Variants in SIRPG observed in about 807,000 individuals in gnomAD.
SIRPG encodes signal regulatory protein gamma.
SIRPG carries 38 observed loss-of-function variants against 35.7 expected under a neutral mutation model. The observed-to-expected ratio is 1.06, with a 90% CI of 0.82 to 1.40. The LOEUF is 1.40. SIRPG is among the 40% of genes most tolerant of loss of function. The probability of loss-of-function intolerance (pLI) is 0.00; values close to 1 mark genes in which losing one functional copy is unlikely to be tolerated. For missense variants in SIRPG, 519 were observed against 483.0 expected (o/e 1.07, Z -0.70); for synonymous variants, 215 against 190.4 (o/e 1.13, Z -1.06).
At position 1,649,127 on chromosome 20, in the gene SIRPG, A is replaced by G. The variant is rs751880933; in HGVS notation, c.355T>C (p.Cys119Arg). Residue 119 changes from cysteine to arginine, a missense_variant, in exon 2 of 6, where the codon TGT becomes CGT. Transcript: ENST00000303415. ...ITPADVGTYYCVKFRKGSPEN... is the reference protein window; with the variant it reads ...ITPADVGTYYRVKFRKGSPEN... ...GGGCTCCCTTTTCGAAACTTCACAC[A>G]GTAGTATGTGCCGACATCTGCTGGG... The G allele has an allele frequency of 3.1e-6, 5 of 1,613,950 alleles. No individual in the cohort carries two copies. The highest frequency in any genetic ancestry group is 3.4e-6 in the Non-Finnish European group (4 of 1,179,904).
At chr20:1,684,167 T>C in the SIRPG span, among the ~76,000 whole-genome samples, 1 of 152,204 alleles carries the variant, frequency 6.6e-6, no homozygotes, top group South Asian at 2.1e-4. Context: ...GAGCAGAGTT[T>C]ATAAGTTCTC....
the SIRPG span, among the ~76,000 whole-genome samples, chr20:1,664,003 C>A: frequency 6.6e-6 from 1 of 152,192 alleles, no homozygotes. Flanking sequence ...ATGAGGCCCT[C>A]GGACTGCTTC....
intron 2 of SIRPG, among the ~76,000 whole-genome samples, chr20:1,642,452 C>T (rs1265200644): frequency 6.6e-6 from 1 of 152,142 alleles, no homozygotes. Context: ...TGTTTTGAGC[C>T]TATGTGTGTC....
chr20:1,683,150 C>T, the SIRPG span, among the ~76,000 whole-genome samples: 1 of 152,024 alleles, frequency 6.6e-6, no homozygotes, highest in African/African-American at 2.4e-5. Context: ...TAAAAAATAC[C>T]CAATCTTACT....
chr20:1,652,112 G>T (rs1302644817), intron 1 of SIRPG, among the ~76,000 whole-genome samples: 2 of 152,060 alleles, frequency 1.3e-5, no homozygotes, highest in East Asian at 3.9e-4. Context: ...CACTCCTGAT[G>T]GTCATAAACT....
At chr20:1,651,206 T>A (rs1023972520) in intron 1 of SIRPG, 10 of 152,196 alleles carry the variant, frequency 6.6e-5, no homozygotes, top group Non-Finnish European at 1.2e-4. Flanking sequence ...TAAATTTTTT[T>A]TAAAAAATCA....
At chr20:1,648,797 T>G (rs564460561) in intron 2 of SIRPG, among the ~76,000 whole-genome samples, 1 of 152,270 alleles carries the variant, frequency 6.6e-6, no homozygotes, top group South Asian at 2.1e-4. Flanking sequence ...CTGGGCCAGA[T>G]TGGGAAGGAC....
At chr20:1,679,050 C>T in the SIRPG span, among the ~76,000 whole-genome samples, 492 of 152,288 alleles carry the variant, frequency 3.2e-3, 3 homozygotes, top group African/African-American at 0.011. Context: ...GCCATGGATC[C>T]TTGCGTGAAT....
At chr20:1,663,471 G>A in the SIRPG span, among the ~76,000 whole-genome samples, 4 of 152,358 alleles carry the variant, frequency 2.6e-5, no homozygotes, top group Admixed American at 2.6e-4. Flanking sequence ...GTGTACTGGA[G>A]CAGGCTTGGG....
At position 1,635,635 on chromosome 20, in the gene SIRPG, G is replaced by A. The variant is rs1297454580; in HGVS notation, c.749-36C>T. The A allele has an allele frequency of 9.4e-6, 15 of 1,600,110 alleles. No individual in the cohort carries two copies. The Admixed American group carries it at 2.2e-4, about 23-fold the overall frequency. ...ACAGGGTAGAAGCTCTGATCTTCTGGCACAGACAGATCACAGGGAGGGCTC... is the reference window on the plus strand; with the variant it reads ...ACAGGGTAGAAGCTCTGATCTTCTGACACAGACAGATCACAGGGAGGGCTC... On this transcript the variant is annotated intron_variant, in intron 3 of 5. Transcript: ENST00000303415.
At chr20:1,640,137 GT>G (rs1049888606) in intron 2 of SIRPG, among the ~76,000 whole-genome samples, 4 of 151,672 alleles carry the variant, frequency 2.6e-5, no homozygotes, top group East Asian at 1.9e-4. Flanking sequence ...ATTTAATGTA[GT>G]TTTTTTTCTA....
chr20:1,670,065 C>T, the SIRPG span: 2 of 255,852 alleles, frequency 7.8e-6, no homozygotes, highest in South Asian at 6.1e-5. Context: ...CTTGTCCAGT[C>T]GTAGGTGCCT....
chr20:1,655,542 T>C (rs920104142), intron 1 of SIRPG, among the ~76,000 whole-genome samples: 1 of 152,090 alleles, frequency 6.6e-6, no homozygotes, highest in Non-Finnish European at 1.5e-5. Flanking sequence ...GTTGGGGAGA[T>C]ATTAGTCAAA....
intron 1 of SIRPG, among the ~76,000 whole-genome samples, chr20:1,653,095 A>C (rs2091952239): frequency 6.6e-6 from 1 of 152,206 alleles, no homozygotes; most frequent in Non-Finnish European, 1.5e-5. Flanking sequence ...CAGAGAAGAA[A>C]ACCACAATCT....
the SIRPG span, among the ~76,000 whole-genome samples, chr20:1,671,787 C>T: frequency 6.6e-6 from 1 of 152,236 alleles, no homozygotes; most frequent in Non-Finnish European, 1.5e-5. Context: ...TAGTTATCTG[C>T]AGCAGGAGCA....
At chr20:1,638,770 AC>A (rs1052866329) in intron 2 of SIRPG, among the ~76,000 whole-genome samples, 2 of 69,422 alleles carry the variant, frequency 2.9e-5, no homozygotes, top group African/African-American at 5.6e-5. Flanking sequence ...CCTTCCCCTC[AC>A]CCCCCCACCC....
the SIRPG span, among the ~76,000 whole-genome samples, chr20:1,674,380 A>G: frequency 6.6e-6 from 1 of 152,222 alleles, no homozygotes; most frequent in African/African-American, 2.4e-5. Context: ...TGGAACATTT[A>G]CTGCACTCCA....
chr20:1,655,474 T>C (rs2091969663), intron 1 of SIRPG, among the ~76,000 whole-genome samples: 1 of 151,554 alleles, frequency 6.6e-6, no homozygotes, highest in African/African-American at 2.4e-5. Flanking sequence ...TCTAAAAAGT[T>C]GAGCTCATAG....
chr20:1,650,481 CAACAGGTGTG>C (rs1245598680), intron 1 of SIRPG, among the ~76,000 whole-genome samples: 1 of 151,982 alleles, frequency 6.6e-6, no homozygotes, highest in Admixed American at 6.5e-5. Flanking sequence ...AGGGGTTCCC[CAACAGGTGTG>C]AACAGGTGGA....
Sources: allele counts gnomAD v4.1 joint callset (sites outside exome capture counted in the v4.1 genomes callset), GRCh38; gene constraint gnomAD v4.1.1; transcripts MANE v1.5; gene names NCBI Gene and HGNC (gene_info 2026-07-23, HGNC 2026-07-21).